DAB1: variants seen among roughly 807,000 people sequenced by gnomAD.
DAB1 encodes DAB adaptor protein 1.
DAB1 carries 15 observed loss-of-function variants against 64.6 expected under a neutral mutation model. That is an observed-to-expected ratio of 0.23 (90% CI 0.16 to 0.36). DAB1 has a LOEUF of 0.36. DAB1 is among the 10% of genes least tolerant of loss of function. DAB1 has a pLI of 1.00. For missense variants in DAB1, 596 were observed against 706.7 expected (o/e 0.84, Z 1.78); for synonymous variants, 235 against 251.9 (o/e 0.93, Z 0.64).
At chr1:58,305,511 CTAT>C (rs1486108986) in intron 4 of DAB1, among the ~76,000 whole-genome samples, 1 of 152,024 alleles carries the variant, frequency 6.6e-6, no homozygotes, top group Non-Finnish European at 1.5e-5. Flanking sequence ...GGCCATTGAC[CTAT>C]TATTGTTAGT....
chr1:57,470,905 A>G (rs1420899532), intron 7 of DAB1, among the ~76,000 whole-genome samples: 1 of 152,254 alleles, frequency 6.6e-6, no homozygotes. Flanking sequence ...AATTGAATAC[A>G]GATTTCAGTT....
At chr1:57,640,256 G>T (rs536580612) in intron 7 of DAB1, among the ~76,000 whole-genome samples, 1 of 152,264 alleles carries the variant, frequency 6.6e-6, no homozygotes, top group East Asian at 1.9e-4. Context: ...AAAATTTCCT[G>T]CTTCCTTTTT....
chr1:58,116,964 T>C (rs1652376722), intron 5 of DAB1, among the ~76,000 whole-genome samples: 1 of 152,220 alleles, frequency 6.6e-6, no homozygotes, highest in South Asian at 2.1e-4. Context: ...CTAACAGGTA[T>C]TGTCTTTGCG....
chr1:57,282,946 T>C (rs985478714), intron 2 of DAB1, among the ~76,000 whole-genome samples: 5 of 152,136 alleles, frequency 3.3e-5, no homozygotes, highest in African/African-American at 9.7e-5. Context: ...GTATAGCCCC[T>C]ATAATTTTTT....
At chr1:57,639,603 A>G (rs1646103374) in intron 7 of DAB1, among the ~76,000 whole-genome samples, 2 of 152,130 alleles carry the variant, frequency 1.3e-5, no homozygotes, top group South Asian at 4.1e-4. Context: ...TCTTGAGAAA[A>G]TAATGTGTCC....
At chr1:58,262,456 G>T (rs1395070230) in intron 4 of DAB1, among the ~76,000 whole-genome samples, 1 of 152,166 alleles carries the variant, frequency 6.6e-6, no homozygotes, top group Non-Finnish European at 1.5e-5. Context: ...GTGGTGGTAT[G>T]CACCTGTAGT....
intron 7 of DAB1, among the ~76,000 whole-genome samples, chr1:57,595,439 T>C (rs1234605374): frequency 1.3e-5 from 2 of 152,090 alleles, no homozygotes; most frequent in East Asian, 1.9e-4. Flanking sequence ...GCACCTGCTA[T>C]GTGGTAAGCA....
chr1:57,842,754 A>T (rs981698598), intron 1 of DAB1, among the ~76,000 whole-genome samples: 3 of 152,216 alleles, frequency 2.0e-5, no homozygotes. Context: ...GCATGATCCA[A>T]TCACCTCCCA....
At chr1:57,214,047 T>G (rs183999574) in intron 2 of DAB1, among the ~76,000 whole-genome samples, 1 of 152,194 alleles carries the variant, frequency 6.6e-6, no homozygotes, top group Non-Finnish European at 1.5e-5. Flanking sequence ...AGAAAACACT[T>G]GTCTTAGTCC....
At chr1:58,444,718 T>C (rs1285809814) in intron 3 of DAB1, among the ~76,000 whole-genome samples, 2 of 152,204 alleles carry the variant, frequency 1.3e-5, no homozygotes, top group African/African-American at 4.8e-5. Flanking sequence ...TCAAAGGTTC[T>C]GGGCACAGAA....
intron 7 of DAB1, among the ~76,000 whole-genome samples, chr1:57,465,182 A>G (rs957780576): frequency 6.6e-6 from 1 of 152,166 alleles, no homozygotes; most frequent in Non-Finnish European, 1.5e-5. Context: ...TTAAATACGG[A>G]AAAATTCAGC....
At chr1:57,640,778 GT>G in intron 7 of DAB1, among the ~76,000 whole-genome samples, 1 of 152,212 alleles carries the variant, frequency 6.6e-6, no homozygotes, top group African/African-American at 2.4e-5. Flanking sequence ...CAGAGCTAGT[GT>G]CCCCAGCTGA....
At chr1:57,408,918 T>C (rs1396264499) in intron 1 of DAB1, among the ~76,000 whole-genome samples, 1 of 152,048 alleles carries the variant, frequency 6.6e-6, no homozygotes, top group Non-Finnish European at 1.5e-5. Flanking sequence ...CCAGTTAGAT[T>C]CACTCACTGG....
intron 5 of DAB1, among the ~76,000 whole-genome samples, chr1:58,072,276 T>G (rs964318469): frequency 6.6e-6 from 1 of 152,208 alleles, no homozygotes; most frequent in African/African-American, 2.4e-5. Context: ...ATTAAATATT[T>G]ATTTTGGGCC....
intron 1 of DAB1, among the ~76,000 whole-genome samples, chr1:57,852,525 GC>G (rs1653574657): frequency 1.3e-5 from 2 of 151,924 alleles, no homozygotes; most frequent in Non-Finnish European, 2.9e-5. Flanking sequence ...ATCACCACTG[GC>G]AGAAGAACAG....
In DAB1 at chr1:57,942,210, C is replaced by T. The variant is rs58702558; in HGVS notation, n.388-58048G>A. Among the ~76,000 whole-genome samples, 1,366 of 152,248 alleles carry T rather than the reference C, an allele frequency of 9.0e-3. 21 individuals carry two copies. Among genetic ancestry groups the T allele is most frequent in the African/African-American group, 0.03 (1,258 of 41,532 alleles). ...CAAGCCTTGGTATAGGCTGACTTAG[C>T]ATCCAGTCCAGGCACACTGTAGTCA... On this transcript the variant is annotated intron_variant and non_coding_transcript_variant, in intron 5 of 20. Transcript: ENST00000485760.
rs906396423 is a variant in DAB1, at chr1:58,092,241, C to T, written n.387+58270G>A. On this transcript the variant is annotated intron_variant and non_coding_transcript_variant, in intron 5 of 20. Transcript: ENST00000485760. ...ATCCCAGCTACTTGGAAGGCTGAGG[C>T]AGAGAATTGCTTGAACCCAGCAGGG... 3.4e-4 allele frequency among the ~76,000 whole-genome samples: 52 copies of T among 150,980 alleles called. 2 individuals are homozygous for T. Among genetic ancestry groups the T allele is most frequent in the Non-Finnish European group, 1.5e-5 (1 of 67,926 alleles).
At chr1:57,216,826 T>C (rs1478828124) in intron 2 of DAB1, among the ~76,000 whole-genome samples, 1 of 151,848 alleles carries the variant, frequency 6.6e-6, no homozygotes. Context: ...TTCTAGAAAC[T>C]GCCCATAGAC....
In DAB1 at chr1:57,279,632, C is replaced by G. The variant is rs895099976; in HGVS notation, c.67+11332G>C. ...AGATGGAAAACACACACAGTTGGCC[C>G]TCCATAGCCTCAGGATTTTATCCAC... On this transcript the variant is annotated intron_variant, in intron 2 of 14. Coordinates refer to ENST00000371236, the MANE Select transcript of DAB1 (RefSeq NM_001365792.1). 3.3e-5 allele frequency among the ~76,000 whole-genome samples: 5 copies of G among 152,336 alleles called. No homozygotes were observed. In the East Asian group the frequency reaches 7.7e-4, roughly 23 times the overall value.
Sources: gnomAD v4.1 joint callset for allele counts (sites outside exome capture counted in the v4.1 genomes callset) on GRCh38, gnomAD v4.1.1 for gene constraint, MANE v1.5 for transcripts, NCBI Gene and HGNC (gene_info 2026-07-23, HGNC 2026-07-21) for gene names.